SNX5: variants seen among roughly 807,000 people sequenced by gnomAD.
SNX5 encodes the protein sorting nexin 5.
A neutral mutation model predicts 53.9 loss-of-function variants in SNX5; 31 were observed. That is an observed-to-expected ratio of 0.58 (90% CI 0.43 to 0.78). The LOEUF (loss-of-function observed/expected upper bound fraction) is 0.78. Among genes scored for constraint, SNX5 ranks in the 30% least tolerant of loss-of-function variants. SNX5 has a pLI of 0.00. For synonymous variants in SNX5, 168 were observed against 171.1 expected, an observed-to-expected ratio of 0.98 and a Z score of 0.14; for missense variants, 471 against 478.8, an observed-to-expected ratio of 0.98 and a Z score of 0.15.
intron 2 of SNX5, 44 bp downstream of exon 2, chr20:17,956,889 G>A (rs2035370480): frequency 2.0e-6 from 2 of 981,110 alleles, no homozygotes; most frequent in Non-Finnish European, 3.3e-6. Context: ...GAATAACAAG[G>A]CTGCAACCTA....
rs150815600 is a variant in SNX5 at position 17,946,547 on chromosome 20, C to T, written c.1078+939G>A. On this transcript the variant is annotated intron_variant, in intron 11 of 12. Transcript: ENST00000377759. ...CTAAACCATTTTAAAAACTGGGAGT[C>T]CATGACTCTAATAAAGATAAAGGAA... Among the ~76,000 whole-genome samples the T allele has an allele frequency of 5.3e-3, 813 of 152,208 alleles. 6 individuals carry two copies. The highest frequency in any genetic ancestry group is 0.019 in the African/African-American group (775 of 41,518).
At chr20:17,963,540 C>A (rs185125756) in intron 1 of SNX5, among the ~76,000 whole-genome samples, 19 of 152,318 alleles carry the variant, frequency 1.2e-4, no homozygotes, top group Admixed American at 3.3e-4. Context: ...ACTACCCAAT[C>A]CCATCATGGC....
intron 1 of SNX5, among the ~76,000 whole-genome samples, chr20:17,958,329 G>C (rs1276825399): frequency 1.3e-5 from 2 of 152,312 alleles, no homozygotes; most frequent in Non-Finnish European, 2.9e-5. Flanking sequence ...AAAAGTTCAA[G>C]ACTAAAAACT....
At chr20:17,963,299 G>A (rs2035487784) in intron 1 of SNX5, among the ~76,000 whole-genome samples, 1 of 152,030 alleles carries the variant, frequency 6.6e-6, no homozygotes, top group African/African-American at 2.4e-5. Context: ...GGGCAACACA[G>A]CAAAGCCTTA....
Position 17,956,990 on chromosome 20 carries a change from A to T in SNX5, c.99T>A (p.Ile33=). 1 of 1,610,770 alleles carries T rather than the reference A, an allele frequency of 6.2e-7. No homozygotes were observed. The highest frequency in any genetic ancestry group is 8.5e-7 in the Non-Finnish European group (1 of 1,177,054). Reference sequence around the variant, plus strand: ...TCTCACTGAGCGCATCAGGTATGTCAATCTGAAGCGAGGGATCAACATTCA... The same window carrying T: ...TCTCACTGAGCGCATCAGGTATGTCTATCTGAAGCGAGGGATCAACATTCA... ...VDLNVDPSLQ[I]DIPDALSERD... is the part of the protein sequence containing the mutation. Residue 33 remains isoleucine (I), a synonymous_variant, in exon 2 of 13, where the codon ATT becomes ATA. Coordinates refer to ENST00000377759, the MANE Select transcript of SNX5 (RefSeq NM_014426.4).
In SNX5 at chr20:17,967,941, A is replaced by C. The variant is rs1048829934; in HGVS notation, c.51+434T>G. The C allele has an allele frequency of 1.4e-4, 56 of 389,584 alleles. 1 individual carries two copies. In the Middle Eastern group the frequency reaches 8.8e-3, roughly 62 times the overall value. The allele number at this position is 389,584 out of a possible 1,614,324, so 24.1% of individuals were successfully genotyped here. On this transcript the variant is annotated intron_variant, in intron 1 of 12. Coordinates refer to ENST00000377759, the MANE Select transcript of SNX5 (RefSeq NM_014426.4). ...CCCAAGTTGTTTGGGCCCCCCCCCC[A>C]AAAAAGTCTTCTCAGTAAAAGGTGG...
chr20:17,954,250 C>T lies in SNX5; in HGVS notation c.268-133G>A, dbSNP rs2035316242. On this transcript the variant is annotated intron_variant, in intron 3 of 12. Transcript: ENST00000377759. ...TGTGGGGCTATTTAAAAGTCAACTC[C>T]TGTTTTTTCTTAACCTTCCTTAACT... The T allele has an allele frequency of 2.3e-5, 33 of 1,426,516 alleles. No individual in the cohort carries two copies. The South Asian group carries it at 4.5e-4, about 20-fold the overall frequency. The allele number at this position is 1,426,516 out of a possible 1,614,324, so 88.4% of individuals were successfully genotyped here. A position where few individuals can be genotyped will look rare whatever the true frequency, so the allele number is the denominator to read the frequency against.
chr20:17,956,744 A>G (rs1057418503), intron 2 of SNX5, among the ~76,000 whole-genome samples, 189 bp downstream of exon 2: 5 of 150,184 alleles, frequency 3.3e-5, no homozygotes, highest in African/African-American at 1.2e-4. Context: ...CTGCCACAGC[A>G]GAATGCTGCT....
At chr20:17,959,934 A>G (rs1332981032) in intron 1 of SNX5, among the ~76,000 whole-genome samples, 2 of 152,144 alleles carry the variant, frequency 1.3e-5, no homozygotes, top group Admixed American at 6.6e-5. Flanking sequence ...TGAAGGGCTC[A>G]GAGTACTCCT....
intron 1 of SNX5, among the ~76,000 whole-genome samples, chr20:17,966,034 T>C (rs1265425469): frequency 6.6e-6 from 1 of 152,092 alleles, no homozygotes; most frequent in African/African-American, 2.4e-5. Context: ...CAGCAGTACT[T>C]AGTCTACAAA....
rs1408735967 is a variant in SNX5, at chr20:17,951,519, A to C, written c.590T>G (p.Val197Gly). 2.5e-6 allele frequency: 4 copies of C among 1,611,276 alleles called. No individual in the cohort carries two copies. The highest frequency in any genetic ancestry group is 3.4e-6 in the Non-Finnish European group (4 of 1,179,046). The change falls in exon 6 of 13, where the codon GTC becomes GGC. Residue 197 changes from valine (V) to glycine (G), a missense_variant. Physicochemically the swap from Val to Gly is moderately radical, Grantham distance 109. Transcript: ENST00000377759. ...FKSVVKSADE[V>G]LFTGVKEVDD... Reference sequence around the variant, plus strand: ...ACTTACCTTAACTCCAGTAAAAAGGACTTCATCAGCACTTTTCACCACACT... The same window carrying C: ...ACTTACCTTAACTCCAGTAAAAAGGCCTTCATCAGCACTTTTCACCACACT...
intron 2 of SNX5, among the ~76,000 whole-genome samples, chr20:17,956,047 G>A (rs1224828380): frequency 6.6e-6 from 1 of 152,118 alleles, no homozygotes; most frequent in Non-Finnish European, 1.5e-5. Flanking sequence ...GAAGTGCTAG[G>A]ATTACAGGTG....
chr20:17,943,037 T>C (rs1258228584), intron 12 of SNX5, 73 bp downstream of exon 12: 2 of 1,041,698 alleles, frequency 1.9e-6, no homozygotes, highest in Non-Finnish European at 1.5e-6. Context: ...CTGATGACAA[T>C]GGGTTAGTAA....
intron 12 of SNX5, 88 bp downstream of exon 12, chr20:17,943,022 A>G: frequency 1.1e-6 from 1 of 884,630 alleles, no homozygotes; most frequent in Non-Finnish European, 1.9e-6. Flanking sequence ...GGCCACCCCA[A>G]CTGCCTGATG....
At chr20:17,961,752 AT>A (rs2035454190) in intron 1 of SNX5, 1 of 985,198 alleles carries the variant, frequency 1.0e-6, no homozygotes, top group African/African-American at 1.7e-5. Context: ...TTGTTTTGTT[AT>A]GTTTCATTCC....
At position 17,943,185 on chromosome 20, in the gene SNX5, A is replaced by G; in HGVS notation, c.1089T>C (p.Asn363=). Reference sequence around the variant, plus strand: ...ATGCTGCCACTCTCTTCCGTTTGAAATTTATCAGTTCTACAGGAAGAAAAA... The same window carrying G: ...ATGCTGCCACTCTCTTCCGTTTGAAGTTTATCAGTTCTACAGGAAGAAAAA... ...LSESAKEELI[N]FKRKRVAAFR... Residue 363 remains asparagine (N), a synonymous_variant, in exon 12 of 13, where the codon AAT becomes AAC. Transcript: ENST00000377759. The G allele has an allele frequency of 6.2e-7, 1 of 1,604,378 alleles. No individual in the cohort carries two copies. Among genetic ancestry groups the G allele is most frequent in the East Asian group, 2.2e-5 (1 of 44,828 alleles).
intron 4 of SNX5, among the ~76,000 whole-genome samples, chr20:17,953,283 T>C (rs565110643): frequency 8.1e-4 from 124 of 152,164 alleles, no homozygotes; most frequent in African/African-American, 3.0e-3. Context: ...GAGGGGGAGC[T>C]GATGGTTGAA....
At chr20:17,947,692 C>T (rs2039506535) in intron 10 of SNX5, 47 bp from the exon 11 acceptor site, 1 of 1,521,810 alleles carries the variant, frequency 6.6e-7, no homozygotes. Flanking sequence ...CTAAACCAGT[C>T]TAAAAAATAG....
intron 4 of SNX5, among the ~76,000 whole-genome samples, 166 bp downstream of exon 4, chr20:17,953,830 C>G (rs1024137136): frequency 1.3e-5 from 2 of 152,180 alleles, no homozygotes; most frequent in East Asian, 3.8e-4. Flanking sequence ...AAGACCATGT[C>G]CCACACTATG....
Sources: gnomAD v4.1 joint callset for allele counts (sites outside exome capture counted in the v4.1 genomes callset) on GRCh38, gnomAD v4.1.1 for gene constraint, MANE v1.5 for transcripts, NCBI Gene and HGNC (gene_info 2026-07-23, HGNC 2026-07-21) for gene names.